TCF7L1: variants seen among roughly 807,000 people sequenced by gnomAD.
TCF7L1 encodes transcription factor 7-like 1.
Under a neutral mutation model 63.7 loss-of-function variants are expected in TCF7L1, and 18 were observed. That is an observed-to-expected ratio of 0.28 (90% CI 0.20 to 0.42). The LOEUF is 0.42. TCF7L1 is among the 10% of genes least tolerant of loss of function. TCF7L1 has a pLI of 1.00. For synonymous variants in TCF7L1, 355 were observed against 340.9 expected (o/e 1.04, Z -0.46); for missense variants, 654 against 779.3 (o/e 0.84, Z 1.91).
chr2:85,295,707 A>G lies in TCF7L1; in HGVS notation c.526-6777A>G, dbSNP rs193032981. Among the ~76,000 whole-genome samples, 159 of 151,834 alleles carry G rather than the reference A, an allele frequency of 1.0e-3. 1 individual carries two copies. The highest frequency in any genetic ancestry group is 3.4e-3 in the African/African-American group (142 of 41,368). On this transcript the variant is annotated intron_variant, in intron 4 of 11. Transcript: ENST00000282111. ...TACCCTTAAATATTTTAGCTATATT[A>G]TCTAAGAACAAAGGCATTCTCTTAA...
intron 5 of TCF7L1, chr2:85,303,468 A>T (rs761631371): frequency 6.3e-6 from 1 of 157,848 alleles, no homozygotes; most frequent in Non-Finnish European, 1.4e-5. Context: ...GAGAAATAAC[A>T]GTCACTACAA....
chr2:85,310,164 C>T lies in TCF7L1; in HGVS notation c.*702C>T, dbSNP rs1269318825. ...CTTGCCAGTGGCGATCATCCCTTCA[C>T]AATCCCAGAGTGGCAGGCGGGACCG... On this transcript the variant is annotated 3_prime_UTR_variant, in exon 12 of 12. Coordinates refer to ENST00000282111, the MANE Select transcript of TCF7L1 (RefSeq NM_031283.3). 1.3e-5 allele frequency: 2 copies of T among 152,690 alleles called. No individual in the cohort carries two copies. The highest frequency in any genetic ancestry group is 3.8e-4 in the East Asian group (2 of 5,200). 9.5% of individuals were successfully genotyped at this position (152,690 alleles called of 1,614,324 possible).
At chr2:85,257,779 G>A (rs1042283577) in intron 3 of TCF7L1, among the ~76,000 whole-genome samples, 2 of 152,174 alleles carry the variant, frequency 1.3e-5, no homozygotes, top group African/African-American at 4.8e-5. Flanking sequence ...CCCACGTGGG[G>A]ACTGCCCCGG....
chr2:85,249,332 A>G (rs1462610654), intron 3 of TCF7L1, among the ~76,000 whole-genome samples: 1 of 152,188 alleles, frequency 6.6e-6, no homozygotes, highest in African/African-American at 2.4e-5. Flanking sequence ...TTACCCTTGC[A>G]TGGGTGAGCA....
At chr2:85,142,770 G>C in intron 3 of TCF7L1, among the ~76,000 whole-genome samples, 1 of 152,264 alleles carries the variant, frequency 6.6e-6, no homozygotes, top group African/African-American at 2.4e-5. Flanking sequence ...AACCATGAGG[G>C]GAGTGAAGGG....
chr2:85,141,222 G>GAT (rs397739174), intron 3 of TCF7L1, among the ~76,000 whole-genome samples: 2 of 151,922 alleles, frequency 1.3e-5, no homozygotes, highest in Non-Finnish European at 2.9e-5. Context: ...GTGACAGACA[G>GAT]TGAGACCCTG....
chr2:85,228,847 C>G (rs1196676897), intron 3 of TCF7L1, among the ~76,000 whole-genome samples: 2 of 147,806 alleles, frequency 1.4e-5, no homozygotes, highest in African/African-American at 5.0e-5. Context: ...AACCCCATCT[C>G]TCCTAAAAAA....
chr2:85,309,526 G>C lies in TCF7L1; in HGVS notation c.*64G>C, dbSNP rs970332711. On this transcript the variant is annotated 3_prime_UTR_variant, in exon 12 of 12. Transcript: ENST00000282111. Reference sequence around the variant, plus strand: ...GAGTAGTAATGATTCAGAAGAAAAAGAAAAAGGAGACTTTATTGGTCAATA... The same window carrying C: ...GAGTAGTAATGATTCAGAAGAAAAACAAAAAGGAGACTTTATTGGTCAATA... The C allele has an allele frequency of 1.3e-6, 2 of 1,487,100 alleles. No individual in the cohort carries two copies. The highest frequency in any genetic ancestry group is 2.8e-5 in the African/African-American group (2 of 71,104). 92.1% of individuals were successfully genotyped at this position (1,487,100 alleles called of 1,614,324 possible). A position where few individuals can be genotyped will look rare whatever the true frequency, so the allele number is the denominator to read the frequency against.
chr2:85,269,799 T>A (rs1261269414), intron 3 of TCF7L1, among the ~76,000 whole-genome samples: 1 of 152,218 alleles, frequency 6.6e-6, no homozygotes, highest in African/African-American at 2.4e-5. Context: ...ATCGTGTTGT[T>A]CCCTGAGATA....
chr2:85,133,770 G>T lies in TCF7L1; in HGVS notation c.86G>T (p.Gly29Val), dbSNP rs1050006250. Reference sequence around the variant, plus strand: ...TCCAGCGCCGGGGCGGCCGGCGGAGGGGACGACCTCGGGGCGAACGACGAG... The same window carrying T: ...TCCAGCGCCGGGGCGGCCGGCGGAGTGGACGACCTCGGGGCGAACGACGAG... ...GGSSAGAAGGGDDLGANDELI... is the reference protein window; with the variant it reads ...GGSSAGAAGGVDDLGANDELI... The change falls in exon 1 of 12, where the codon GGG becomes GTG. Residue 29 changes from glycine (G) to valine (V), a missense_variant. Around this residue, in one of 3 missense-constraint regions of TCF7L1, gnomAD observed 404 missense variants for 454.8 expected, o/e 0.89. Coordinates refer to ENST00000282111, the MANE Select transcript of TCF7L1 (RefSeq NM_031283.3). This position sits in a 1 kb window ranked among gnomAD's most constrained non-coding sequence, Gnocchi z 4.4. 4.0e-6 allele frequency: 5 copies of T among 1,253,012 alleles called. No individual in the cohort carries two copies. The African/African-American group carries it at 6.2e-5, about 16-fold the overall frequency. 77.6% of individuals were successfully genotyped at this position (1,253,012 alleles called of 1,614,324 possible).
In TCF7L1 at chr2:85,309,234, CCAGCTGG is replaced by C. The variant is rs771126823; in HGVS notation, c.1541_1547del (p.Gln514LeufsTer87). ...TCACCACCAAACCAGAAACCCGGGC[CCAGCTGG>C]CTCTCCACTCTGCCGCCTTCCTGTC... On this transcript the variant is annotated frameshift_variant, in exon 12 of 12. Transcript: ENST00000282111. LOFTEE classifies it high-confidence loss of function. 1 of 1,614,136 alleles carries C rather than the reference CCAGCTGG, an allele frequency of 6.2e-7. No individual in the cohort carries two copies. The highest frequency in any genetic ancestry group is 1.1e-5 in the South Asian group (1 of 91,092).
chr2:85,139,463 A>G (rs1677668874), intron 3 of TCF7L1, among the ~76,000 whole-genome samples: 1 of 152,246 alleles, frequency 6.6e-6, no homozygotes, highest in Admixed American at 6.5e-5. Flanking sequence ...GAAAGAAGTC[A>G]TGGTAGCACT....
At position 85,212,362 on chromosome 2, in the gene TCF7L1, G is replaced by A. The variant is rs184329720; in HGVS notation, c.442-71133G>A. ...TGGGCAGTGGCAGTACCTGCGTCCT[G>A]ATCTTGTTGTGGGGATTTGCTGAGC... On this transcript the variant is annotated intron_variant, in intron 3 of 11. Coordinates refer to ENST00000282111, the MANE Select transcript of TCF7L1 (RefSeq NM_031283.3). Among the ~76,000 whole-genome samples, 338 of 152,314 alleles carry A rather than the reference G, an allele frequency of 2.2e-3. 3 individuals carry two copies. The highest frequency in any genetic ancestry group is 2.4e-3 in the Non-Finnish European group (164 of 68,024).
intron 3 of TCF7L1, among the ~76,000 whole-genome samples, chr2:85,193,807 C>T (rs539875562): frequency 6.6e-6 from 1 of 152,210 alleles, no homozygotes; most frequent in Non-Finnish European, 1.5e-5. Flanking sequence ...GTGCATCTTA[C>T]TCTAAAATGG....
intron 3 of TCF7L1, among the ~76,000 whole-genome samples, chr2:85,239,812 G>A (rs1680281779): frequency 1.3e-5 from 2 of 151,808 alleles, no homozygotes; most frequent in Non-Finnish European, 2.9e-5. Flanking sequence ...GGGCATGGTG[G>A]CACGCACCTG....
chr2:85,139,184 T>G (rs1224280417), intron 3 of TCF7L1, among the ~76,000 whole-genome samples: 1 of 152,114 alleles, frequency 6.6e-6, no homozygotes, highest in Non-Finnish European at 1.5e-5. Context: ...AATTTTTGTA[T>G]TTTTAGTAGA....
At chr2:85,296,230 G>C (rs1681837224) in intron 4 of TCF7L1, among the ~76,000 whole-genome samples, 1 of 152,166 alleles carries the variant, frequency 6.6e-6, no homozygotes, top group African/African-American at 2.4e-5. Flanking sequence ...TGTCTCTTTA[G>C]TTCCCTCGAA....
At chr2:85,215,683 T>A (rs1443208679) in intron 3 of TCF7L1, among the ~76,000 whole-genome samples, 1 of 149,466 alleles carries the variant, frequency 6.7e-6, no homozygotes, top group African/African-American at 2.5e-5. Flanking sequence ...AATTGTGACT[T>A]CTCTGTCCCT....
chr2:85,295,775 C>CTTTTTTTTT (rs56373561), intron 4 of TCF7L1, among the ~76,000 whole-genome samples: 21 of 100,870 alleles, frequency 2.1e-4, no homozygotes, highest in African/African-American at 2.9e-4. Flanking sequence ...GTAACATTTA[C>CTTTTTTTTT]TTTTTTTTTT....
Sources: gnomAD v4.1 joint callset for allele counts (sites outside exome capture counted in the v4.1 genomes callset) on GRCh38, gnomAD v4.1.1 for gene constraint, gnomAD v4.1.1 regional missense constraint, Gnocchi (gnomAD v3.1) non-coding constraint, MANE v1.5 for transcripts, NCBI Gene and HGNC (gene_info 2026-07-23, HGNC 2026-07-21) for gene names.